The following KRT8 variants were observed in gnomAD, a reference collection of about 807,000 sequenced individuals.
The protein encoded by KRT8 is keratin 8.
Under a neutral mutation model 43.0 loss-of-function variants are expected in KRT8, and 24 were observed. That is an observed-to-expected ratio of 0.56 (90% confidence interval 0.40 to 0.78). The LOEUF is 0.78. KRT8 is among the 30% of genes least tolerant of loss of function. The probability of loss-of-function intolerance (pLI) is 0.00; values close to 1 mark genes in which losing one functional copy is unlikely to be tolerated. For missense variants in KRT8, 492 were observed against 638.4 expected (o/e 0.77, Z 2.47); for synonymous variants, 214 against 261.2 (o/e 0.82, Z 1.74).
intron 5 of KRT8, among the ~76,000 whole-genome samples, chr12:52,899,232 G>A (rs1398199705): frequency 2.0e-5 from 3 of 152,084 alleles, no homozygotes; most frequent in Admixed American, 6.6e-5. Flanking sequence ...GGAGAATAGT[G>A]TGAACCCAGG....
chr12:52,915,200 C>T (rs1376320939), intron 2 of KRT8, among the ~76,000 whole-genome samples: 4 of 151,930 alleles, frequency 2.6e-5, no homozygotes, highest in African/African-American at 7.3e-5. Flanking sequence ...AGTGAAACCC[C>T]GTCTCTACTA....
At position 52,900,712 on chromosome 12, in the gene KRT8, C is replaced by G. The variant is rs563532148; in HGVS notation, c.595-29G>C. The G allele has an allele frequency of 1.9e-6, 3 of 1,547,954 alleles. No homozygotes were observed. In the African/African-American group the frequency reaches 4.1e-5, roughly 21 times the overall value. On this transcript the variant is annotated intron_variant, in intron 3 of 7. Transcript: ENST00000692008. ...GGGGATGAGGAGAGGGGAGCCTGAGCTGGGTTTCCACACCCAACCCCAACC... is the reference window on the plus strand; with the variant it reads ...GGGGATGAGGAGAGGGGAGCCTGAGGTGGGTTTCCACACCCAACCCCAACC...
chr12:52,901,839 T>TGG (rs1198077855), intron 2 of KRT8, 25 bp downstream of exon 2: 1 of 1,544,122 alleles, frequency 6.5e-7, no homozygotes, highest in East Asian at 2.2e-5. Context: ...TGACTTCAGT[T>TGG]GGGTGGAGGG....
intron 1 of KRT8, among the ~76,000 whole-genome samples, chr12:52,902,736 G>T (rs555317652): frequency 2.2e-4 from 33 of 152,154 alleles, no homozygotes; most frequent in East Asian, 2.0e-4. Context: ...AAGAGGCCGG[G>T]CGTGGAGGCT....
At chr12:52,898,795 C>G in exon 6 of KRT8, 1 of 1,614,230 alleles carries the variant, frequency 6.2e-7, no homozygotes. Context: ...CCTGCTTGGC[C>G]CGCTGCAGGG....
chr12:52,910,859 G>A (rs1331027798), upstream of KRT8, among the ~76,000 whole-genome samples: 1 of 152,212 alleles, frequency 6.6e-6, no homozygotes, highest in Non-Finnish European at 1.5e-5. Flanking sequence ...GGCAACCTGA[G>A]GACTAAGGTG....
At chr12:52,924,630 A>T (rs1941954412) in intron 2 of KRT8, among the ~76,000 whole-genome samples, 1 of 152,176 alleles carries the variant, frequency 6.6e-6, no homozygotes, top group Non-Finnish European at 1.5e-5. Flanking sequence ...AAATTATATG[A>T]TGATAATGTT....
Position 52,897,442 on chromosome 12 carries a change from C to T in KRT8, c.1438G>A (p.Val480Ile), listed in dbSNP as rs61730606. Residue 480 changes from valine to isoleucine, a missense_variant, in exon 8 of 8, where the codon GTC (valine) becomes ATC (isoleucine). Around this residue, in one of 3 missense-constraint regions of KRT8, gnomAD observed 389 missense variants for 485.7 expected, o/e 0.80. Coordinates refer to ENST00000692008, the Ensembl canonical transcript of KRT8. The stretch of plus-strand genomic sequence containing the variant: ...GCCGCAGCTGTTCACTTGGGCAGGA[C>T]GTCAGAGGACTCAGACACCAGCTTC... 2,788 of 1,599,352 alleles carry T rather than the reference C, an allele frequency of 1.7e-3. 15 individuals are homozygous for T. The highest frequency in any genetic ancestry group is 0.017 in the African/African-American group (1,294 of 74,998).
intron 2 of KRT8, among the ~76,000 whole-genome samples, chr12:52,943,824 G>A (rs986587406): frequency 6.6e-6 from 1 of 152,218 alleles, no homozygotes; most frequent in African/African-American, 2.4e-5. Context: ...GGCAGAACCT[G>A]CCCAGCCTAG....
chr12:52,911,167 C>T (rs1337819159), upstream of KRT8, among the ~76,000 whole-genome samples: 1 of 152,100 alleles, frequency 6.6e-6, no homozygotes, highest in African/African-American at 2.4e-5. Context: ...GCCTGGCCAA[C>T]ATGGTGAAAC....
At chr12:52,907,233 C>G (rs946841221), upstream of KRT8, among the ~76,000 whole-genome samples, 2 of 152,170 alleles carry the variant, frequency 1.3e-5, no homozygotes, top group Non-Finnish European at 2.9e-5. Flanking sequence ...GCTACCCCCT[C>G]CCCAACAAAC....
intron 2 of KRT8, among the ~76,000 whole-genome samples, chr12:52,917,270 T>G (rs1241628516): frequency 6.6e-6 from 1 of 151,728 alleles, no homozygotes; most frequent in African/African-American, 2.4e-5. Flanking sequence ...GTGGTGGTGG[T>G]GCACACCTGT....
In KRT8 at chr12:52,926,072, AG is replaced by A. The variant is rs1000456432; in HGVS notation, c.-46-21046del. On this transcript the variant is annotated intron_variant, in intron 2 of 6. Coordinates refer to the KRT8 transcript ENST00000546826. ...CGAGAGGCCCCCTCTGCAGAGTGGAAGGGGGTGACATAATTGCCTGTCCTGA... is the reference window on the plus strand; with the variant it reads ...CGAGAGGCCCCCTCTGCAGAGTGGAAGGGGTGACATAATTGCCTGTCCTGA... Among the ~76,000 whole-genome samples the A allele has an allele frequency of 3.3e-5, 5 of 152,152 alleles. 1 individual carries two copies.
At chr12:52,947,602 T>A (rs1942367746) in intron 2 of KRT8, 1 of 152,126 alleles carries the variant, frequency 6.6e-6, no homozygotes, top group Non-Finnish European at 1.5e-5. Flanking sequence ...TGCCTCAGCC[T>A]CCTGAGTAGC....
chr12:52,947,080 A>G (rs1942355851), intron 2 of KRT8: 1 of 152,496 alleles, frequency 6.6e-6, no homozygotes, highest in Non-Finnish European at 1.5e-5. Flanking sequence ...AGAGCAAAGA[A>G]CACAGCCAAA....
chr12:52,921,101 C>T (rs1486952557), intron 2 of KRT8, among the ~76,000 whole-genome samples: 2 of 152,164 alleles, frequency 1.3e-5, no homozygotes, highest in Non-Finnish European at 2.9e-5. Context: ...GGGCTAAGCC[C>T]AGGCCAGCCC....
intron 2 of KRT8, among the ~76,000 whole-genome samples, chr12:52,944,408 C>T (rs1942313395): frequency 6.6e-6 from 1 of 152,158 alleles, no homozygotes; most frequent in African/African-American, 2.4e-5. Context: ...GGTCTTTTGA[C>T]ACCAAGTGCC....
intron 2 of KRT8, among the ~76,000 whole-genome samples, chr12:52,936,144 C>T (rs1278047757): frequency 6.6e-6 from 1 of 151,600 alleles, no homozygotes; most frequent in Non-Finnish European, 1.5e-5. Context: ...CCCAGCTACT[C>T]GGGAGGCCGA....
chr12:52,904,389 A>G (rs577529223), intron 1 of KRT8, among the ~76,000 whole-genome samples: 4 of 152,252 alleles, frequency 2.6e-5, no homozygotes, highest in African/African-American at 9.6e-5. Context: ...TGTACCCTTA[A>G]GTTGTCTCTC....
Sources: gnomAD v4.1 joint callset for allele counts (sites outside exome capture counted in the v4.1 genomes callset) on GRCh38, gnomAD v4.1.1 for gene constraint, gnomAD v4.1.1 regional missense constraint, MANE v1.5 for transcripts, NCBI Gene and HGNC (gene_info 2026-07-23, HGNC 2026-07-21) for gene names.